The following CPZ variants were observed in gnomAD, a reference collection of about 807,000 sequenced individuals.
The protein encoded by CPZ is VEZT/CPZ fusion.
Under a neutral mutation model 61.8 loss-of-function variants are expected in CPZ, and 103 were observed. The observed-to-expected ratio is 1.67, with a 90% CI of 1.42 to 1.96. The LOEUF (loss-of-function observed/expected upper bound fraction) is 1.96. CPZ is among the 30% of genes most tolerant of loss of function. The pLI is 0.00. For synonymous variants in CPZ, 551 were observed against 373.7 expected, an observed-to-expected ratio of 1.47 and a Z score of -5.47; for missense variants, 1,461 against 914.9, an observed-to-expected ratio of 1.60 and a Z score of -7.70.
chr4:8,612,198 GGGGGGTGCA>G, intron 8 of CPZ, 36 bp downstream of exon 8: 1 of 343,538 alleles, frequency 2.9e-6, no homozygotes, highest in Non-Finnish European at 4.9e-6. Context: ...GGCGGGGGGT[GGGGGGTGCA>G]GGGGCTGGGT....
At chr4:8,615,146 C>G (rs1261438439) in intron 9 of CPZ, among the ~76,000 whole-genome samples, 1 of 152,038 alleles carries the variant, frequency 6.6e-6, no homozygotes, top group Admixed American at 6.6e-5. Flanking sequence ...GCAGGGCGTC[C>G]TGACTGAGGG....
At chr4:8,605,775 T>TAATA (rs1714942345) in intron 4 of CPZ, among the ~76,000 whole-genome samples, 2 of 152,226 alleles carry the variant, frequency 1.3e-5, no homozygotes, top group African/African-American at 4.8e-5. Context: ...TATTCTTGAG[T>TAATA]TATGCTAACT....
intron 7 of CPZ, among the ~76,000 whole-genome samples, chr4:8,608,529 G>A (rs1715246974): frequency 6.6e-6 from 1 of 152,110 alleles, no homozygotes; most frequent in African/African-American, 2.4e-5. Context: ...CCATCATTGG[G>A]AATGCAAACG....
intron 7 of CPZ, among the ~76,000 whole-genome samples, chr4:8,610,929 C>T (rs1272075367): frequency 6.6e-6 from 1 of 152,120 alleles, no homozygotes; most frequent in East Asian, 1.9e-4. Context: ...AGTCTCATGA[C>T]CCCCACCAGG....
At chr4:8,593,136 C>T (rs1193282795) in intron 1 of CPZ, among the ~76,000 whole-genome samples, 2 of 152,180 alleles carry the variant, frequency 1.3e-5, no homozygotes, top group African/African-American at 4.8e-5. Flanking sequence ...TCTACGGCAT[C>T]CAGGCCGGGA....
At chr4:8,608,621 GCA>G (rs2109330218) in intron 7 of CPZ, among the ~76,000 whole-genome samples, 1 of 34,208 alleles carries the variant, frequency 2.9e-5, no homozygotes, top group East Asian at 9.5e-4. Context: ...TGCCAGGGCT[GCA>G]GGAGGGCTGT....
At chr4:8,611,677 G>T (rs1265193377) in intron 7 of CPZ, among the ~76,000 whole-genome samples, 1 of 152,232 alleles carries the variant, frequency 6.6e-6, no homozygotes, top group East Asian at 1.9e-4. Context: ...TTTATAAACT[G>T]TCAAGCCAAC....
chr4:8,594,295 G>A (rs563656856), intron 1 of CPZ, among the ~76,000 whole-genome samples: 8 of 152,312 alleles, frequency 5.3e-5, no homozygotes, highest in East Asian at 3.9e-4. Context: ...TGCAGTGCAG[G>A]TCCCCCACCC....
In CPZ at chr4:8,592,846, C is replaced by A. The variant is rs1425081561; in HGVS notation, c.13C>A (p.Leu5Met). ...CCGCCGCCCCACCATGCCGCCCCCG[C>A]TGCCGCTGCTGCTCCTTACAGTCCT... is the stretch of plus-strand genomic sequence containing the variant. MPPPLPLLLLTVLVV... is the reference protein window; with the variant it reads MPPPMPLLLLTVLVV... Residue 5 changes from leucine (L) to methionine (M), a missense_variant, in exon 1 of 11, where the codon CTG (leucine) becomes ATG (methionine). Leu to Met is a conservative substitution (Grantham distance 15, BLOSUM62 2). Transcript: ENST00000360986. 1.4e-6 allele frequency: 2 copies of A among 1,467,384 alleles called. No individual in the cohort carries two copies. The highest frequency in any genetic ancestry group is 2.4e-5 in the Admixed American group (1 of 41,450). The allele number at this position is 1,467,384 out of a possible 1,614,324, so 90.9% of individuals were successfully genotyped here. A position where few individuals can be genotyped will look rare whatever the true frequency, so the allele number is the denominator to read the frequency against.
At chr4:8,609,227 C>CTCCCTCACTCAT (rs147997167) in intron 7 of CPZ, among the ~76,000 whole-genome samples, 1 of 150,362 alleles carries the variant, frequency 6.7e-6, no homozygotes, top group Non-Finnish European at 1.5e-5. Flanking sequence ...CACTTACTCA[C>CTCCCTCACTCAT]TCATTGTCAC....
chr4:8,593,443 A>G (rs1713948057), intron 1 of CPZ, among the ~76,000 whole-genome samples: 2 of 152,022 alleles, frequency 1.3e-5, no homozygotes, highest in African/African-American at 4.8e-5. Flanking sequence ...TGGGGCCCGG[A>G]GAGGGAATGG....
chr4:8,619,623 G>C lies in CPZ; in HGVS notation c.*6G>C, dbSNP rs1480750104. Reference sequence around the variant, plus strand: ...GCTGGCTGCTCAAGTACTAGCCCCGGCCCCAGCACCCGCCAGGATGTGGAG... The same window carrying C: ...GCTGGCTGCTCAAGTACTAGCCCCGCCCCCAGCACCCGCCAGGATGTGGAG... On this transcript the variant is annotated 3_prime_UTR_variant, in exon 11 of 11. Transcript: ENST00000360986. 5.4e-6 allele frequency: 8 copies of C among 1,479,856 alleles called. No homozygotes were observed. Among genetic ancestry groups the C allele is most frequent in the Non-Finnish European group, 5.4e-6 (6 of 1,116,936 alleles). The allele number at this position is 1,479,856 out of a possible 1,614,324, so 91.7% of individuals were successfully genotyped here. A position where few individuals can be genotyped will look rare whatever the true frequency, so the allele number is the denominator to read the frequency against.
intron 7 of CPZ, among the ~76,000 whole-genome samples, chr4:8,607,637 C>G (rs867119256): frequency 6.6e-6 from 1 of 152,204 alleles, no homozygotes; most frequent in African/African-American, 2.4e-5. Context: ...CTCCCCTGAT[C>G]TCCCCGAGGC....
intron 7 of CPZ, among the ~76,000 whole-genome samples, chr4:8,608,135 TCCAGCCC>T (rs774809654): frequency 0.012 from 1,590 of 137,642 alleles, 17 homozygotes; most frequent in South Asian, 0.033. Context: ...GGCCCCAGCC[TCCAGCCC>T]CCAGCCCCCA....
rs773042370 is a variant in CPZ, at chr4:8,606,915, C to G, written c.1068+17C>G. ...TGGGGTAAGGTAGGAGCCGCCGCTGCCCATGCTGGTCTCCACCAAGGCATC... is the reference window on the plus strand; with the variant it reads ...TGGGGTAAGGTAGGAGCCGCCGCTGGCCATGCTGGTCTCCACCAAGGCATC... On this transcript the variant is annotated intron_variant, in intron 6 of 10. Transcript: ENST00000360986. 6.3e-7 allele frequency: 1 copy of G among 1,581,094 alleles called. No individual in the cohort carries two copies. The highest frequency in any genetic ancestry group is 1.3e-5 in the African/African-American group (1 of 74,264).
chr4:8,616,095 T>C (rs1200663402), intron 9 of CPZ, among the ~76,000 whole-genome samples: 1 of 152,192 alleles, frequency 6.6e-6, no homozygotes, highest in African/African-American at 2.4e-5. Context: ...TCTTGGGATA[T>C]GAAGATTTAC....
In CPZ at chr4:8,612,117, A is replaced by G. The variant is rs759591858; in HGVS notation, c.1318A>G (p.Arg440Gly). Residue 440 changes from arginine (R) to glycine (G), a missense_variant, in exon 8 of 11, where the codon AGG becomes GGG. Physicochemically the swap from Arg to Gly is moderately radical, Grantham distance 125 (BLOSUM62 -2). Coordinates refer to ENST00000360986, the MANE Select transcript of CPZ (RefSeq NM_001014447.3). Reference sequence around the variant, plus strand: ...TAGGTGTGGAGGCAATTTCCTGAAGAGGGGGAGCATCATCAACGGGGCGGA... The same window carrying G: ...TAGGTGTGGAGGCAATTTCCTGAAGGGGGGGAGCATCATCAACGGGGCGGA... ...ENRCGGNFLK[R>G]GSIINGADWY... 7 of 1,556,978 alleles carry G rather than the reference A, an allele frequency of 4.5e-6. No homozygotes were observed. The African/African-American group carries it at 8.5e-5, about 19-fold the overall frequency.
intron 7 of CPZ, among the ~76,000 whole-genome samples, chr4:8,611,753 C>G (rs530858846): frequency 6.6e-6 from 1 of 152,168 alleles, no homozygotes; most frequent in African/African-American, 2.4e-5. Context: ...CACTACCCGG[C>G]CAGGTGTGCA....
chr4:8,614,091 TGCC>T (rs1314923295), intron 8 of CPZ, among the ~76,000 whole-genome samples: 10 of 152,246 alleles, frequency 6.6e-5, no homozygotes, highest in East Asian at 3.9e-4. Context: ...AAATGCCTCA[TGCC>T]GCCATCTGCG....
Sources: gnomAD v4.1 joint callset for allele counts (sites outside exome capture counted in the v4.1 genomes callset) on GRCh38, gnomAD v4.1.1 for gene constraint, MANE v1.5 for transcripts, NCBI Gene and HGNC (gene_info 2026-07-23, HGNC 2026-07-21) for gene names.